Variants in WFDC1 observed in about 807,000 individuals in gnomAD.
WFDC1 encodes the protein WAP four-disulfide core domain protein 1.
WFDC1 carries 39 observed loss-of-function variants against 32.9 expected under a neutral mutation model. The observed-to-expected ratio is 1.19, with a 90% CI of 0.92 to 1.55. The LOEUF is 1.55. WFDC1 is among the 40% of genes most tolerant of loss of function. WFDC1 has a pLI of 0.00. For missense variants in WFDC1, 386 were observed against 309.5 expected, an observed-to-expected ratio of 1.25 and a Z score of -1.85; for synonymous variants, 184 against 137.4, an observed-to-expected ratio of 1.34 and a Z score of -2.37.
At chr16:84,297,726 C>T (rs760061832) in intron 1 of WFDC1, among the ~76,000 whole-genome samples, 1 of 151,680 alleles carries the variant, frequency 6.6e-6, no homozygotes, top group Non-Finnish European at 1.5e-5. Flanking sequence ...GGGAAGAGCA[C>T]CTGGCCTGGA....
At chr16:84,307,955 G>A (rs1341252449) in intron 1 of WFDC1, among the ~76,000 whole-genome samples, 1 of 152,166 alleles carries the variant, frequency 6.6e-6, no homozygotes, top group Non-Finnish European at 1.5e-5. Context: ...AAAGGTCCAC[G>A]CTCTGGTCTC....
intron 1 of WFDC1, among the ~76,000 whole-genome samples, chr16:84,312,578 A>G (rs142999518): frequency 6.6e-6 from 1 of 152,260 alleles, no homozygotes; most frequent in Non-Finnish European, 1.5e-5. Context: ...GTACATATAG[A>G]CATATGTGTG....
chr16:84,311,455 C>G (rs375517537), intron 1 of WFDC1, among the ~76,000 whole-genome samples: 1 of 147,602 alleles, frequency 6.8e-6, no homozygotes, highest in African/African-American at 2.5e-5. Flanking sequence ...GTCTCGATCT[C>G]CTGACCTCAT....
At chr16:84,312,080 G>T (rs1021658454) in intron 1 of WFDC1, among the ~76,000 whole-genome samples, 1 of 152,100 alleles carries the variant, frequency 6.6e-6, no homozygotes, top group Admixed American at 6.6e-5. Context: ...CAGGAGAATC[G>T]CTTGAACCCA....
At chr16:84,309,854 T>TGG (rs56240576) in intron 1 of WFDC1, among the ~76,000 whole-genome samples, 15 of 83,536 alleles carry the variant, frequency 1.8e-4, no homozygotes, top group South Asian at 7.4e-4. Context: ...CATGTGTGTG[T>TGG]GGGGGGGGCG....
intron 1 of WFDC1, among the ~76,000 whole-genome samples, chr16:84,299,093 G>A (rs1000102476): frequency 6.6e-6 from 1 of 152,166 alleles, no homozygotes. Context: ...GCTCACAGTG[G>A]CTCATGCCTG....
intron 1 of WFDC1, among the ~76,000 whole-genome samples, chr16:84,302,250 G>T (rs1210942193): frequency 1.3e-5 from 2 of 152,170 alleles, no homozygotes; most frequent in African/African-American, 4.8e-5. Context: ...CAGAGGTTCT[G>T]CCTGGGGTGA....
intron 3 of WFDC1, 138 bp downstream of exon 3, chr16:84,318,493 C>A (rs1333102578): frequency 5.2e-6 from 4 of 776,676 alleles, no homozygotes; most frequent in Non-Finnish European, 8.8e-6. Context: ...CCTCTTTGAT[C>A]CTCCCCACCC....
chr16:84,307,305 TA>T (rs1027801249), intron 1 of WFDC1, among the ~76,000 whole-genome samples: 10 of 152,338 alleles, frequency 6.6e-5, no homozygotes, highest in African/African-American at 2.2e-4. Flanking sequence ...GCCCTGTGTT[TA>T]GAACCCTCTT....
intron 2 of WFDC1, 58 bp downstream of exon 2, chr16:84,313,211 C>A: frequency 7.5e-7 from 1 of 1,334,138 alleles, no homozygotes; most frequent in South Asian, 1.9e-5. Context: ...ACAGAGCTGT[C>A]CCGGGGGAGG....
In WFDC1 at chr16:84,294,881, C is replaced by A; in HGVS notation, c.-91C>A. 6.6e-7 allele frequency: 1 copy of A among 1,511,698 alleles called. No homozygotes were observed. Among genetic ancestry groups the A allele is most frequent in the Non-Finnish European group, 8.8e-7 (1 of 1,130,160 alleles). The allele number at this position is 1,511,698 out of a possible 1,614,324, so 93.6% of individuals were successfully genotyped here. Reference sequence around the variant, plus strand: ...GGTGGAACTAAGAAAGTCCAGCAGACTGTGCACGCTCCTGTCCCCACTCAC... The same window carrying A: ...GGTGGAACTAAGAAAGTCCAGCAGAATGTGCACGCTCCTGTCCCCACTCAC... On this transcript the variant is annotated 5_prime_UTR_variant, in exon 1 of 7. In the 5' UTR this introduces an upstream ATG that the reference lacks. Coordinates refer to ENST00000219454, the MANE Select transcript of WFDC1 (RefSeq NM_021197.4).
At chr16:84,319,319 T>C in intron 3 of WFDC1, 112 bp from the exon 4 acceptor site, 1 of 1,465,044 alleles carries the variant, frequency 6.8e-7, no homozygotes, top group Non-Finnish European at 9.2e-7. Context: ...GCCGCCTCTC[T>C]GGGTGAGGTG....
intron 4 of WFDC1, among the ~76,000 whole-genome samples, chr16:84,320,573 A>G (rs914841289): frequency 4.6e-5 from 7 of 152,196 alleles, no homozygotes; most frequent in Non-Finnish European, 1.0e-4. Context: ...GGTATCTAAA[A>G]CCATCTCGAA....
At chr16:84,298,417 T>C (rs145285624) in intron 1 of WFDC1, among the ~76,000 whole-genome samples, 1 of 152,300 alleles carries the variant, frequency 6.6e-6, no homozygotes, top group East Asian at 1.9e-4. Flanking sequence ...TTGTTAGAAA[T>C]GCATCACTTT....
At chr16:84,303,431 T>A (rs1450020784) in intron 1 of WFDC1, among the ~76,000 whole-genome samples, 1 of 151,436 alleles carries the variant, frequency 6.6e-6, no homozygotes, top group Non-Finnish European at 1.5e-5. Context: ...TAAATGGAAG[T>A]GGTTTATAAA....
Position 84,295,101 on chromosome 16 carries a change from G to T in WFDC1, c.130G>T (p.Ala44Ser), listed in dbSNP as rs1432900449. ...IWKRALPARL[A>S]EKSRAEEAGA... ...GAAACGGGCATTGCCTGCGAGGCTG[G>T]CCGAGAAATCCCGTGTAAGTGCCTG... Residue 44 changes from alanine (A) to serine (S), a missense_variant, in exon 1 of 7, where the codon GCC becomes TCC. By Grantham distance (99) the Ala-to-Ser change is moderately conservative. Transcript: ENST00000219454. 3.3e-5 allele frequency: 53 copies of T among 1,614,048 alleles called. No individual in the cohort carries two copies. The highest frequency in any genetic ancestry group is 4.2e-5 in the Non-Finnish European group (50 of 1,179,932).
chr16:84,316,184 T>A (rs1036725520), intron 2 of WFDC1: 2 of 152,210 alleles, frequency 1.3e-5, no homozygotes, highest in South Asian at 4.1e-4. Context: ...AACCATCGCG[T>A]CATTCCTGTT....
At chr16:84,320,542 A>G (rs934348854) in intron 4 of WFDC1, among the ~76,000 whole-genome samples, 1 of 152,370 alleles carries the variant, frequency 6.6e-6, no homozygotes, top group Non-Finnish European at 1.5e-5. Context: ...AAGAAAGAAC[A>G]ATGGCACAGC....
At chr16:84,305,480 C>G (rs1223627812) in intron 1 of WFDC1, among the ~76,000 whole-genome samples, 4 of 152,236 alleles carry the variant, frequency 2.6e-5, no homozygotes, top group Non-Finnish European at 5.9e-5. Context: ...CCACTTTTCA[C>G]TGTTGCTGGT....
Sources: gnomAD v4.1 joint callset for allele counts (sites outside exome capture counted in the v4.1 genomes callset) on GRCh38, gnomAD v4.1.1 for gene constraint, MANE v1.5 for transcripts, NCBI Gene and HGNC (gene_info 2026-07-23, HGNC 2026-07-21) for gene names.